KDM6A: variants seen among roughly 807,000 people sequenced by gnomAD.
KDM6A encodes lysine-specific demethylase 6A.
KDM6A carries 11 observed loss-of-function variants against 117.6 expected under a neutral mutation model. The observed-to-expected ratio is 0.09, with a 90% confidence interval of 0.06 to 0.15. The LOEUF is 0.15. Ranked by LOEUF, KDM6A falls within the 10% of genes least tolerant of loss-of-function variation. The pLI, the probability that KDM6A is intolerant of heterozygous loss-of-function variation, is 1.00. For synonymous variants in KDM6A, 384 were observed against 396.1 expected, an observed-to-expected ratio of 0.97 and a Z score of 0.36; for missense variants, 799 against 1,077.3, an observed-to-expected ratio of 0.74 and a Z score of 3.62.
intron 3 of KDM6A, among the ~76,000 whole-genome samples, chrX:44,963,289 C>T (rs774458165): frequency 5.5e-5 from 6 of 109,365 alleles, no homozygotes; most frequent in Non-Finnish European, 1.1e-4. Context: ...TAGCGAGACC[C>T]CCTATCTTAA....
rs200269409 is a variant in KDM6A, at chrX:44,874,013, G to C, written c.225+26G>C. ...GTAAGGCAGCTGCGAGTCGGAGCGC[G>C]GACACCGTCTCCCTGGCCGGCGCCG... On this transcript the variant is annotated intron_variant, in intron 2 of 29. Coordinates refer to ENST00000611820, the MANE Select transcript of KDM6A (RefSeq NM_001291415.2). The C allele has an allele frequency of 2.0e-5, 24 of 1,188,298 alleles. No homozygotes were observed. In the Admixed American group the frequency reaches 5.3e-4, roughly 26 times the overall value.
chrX:45,111,314 A>T, intron 29 of KDM6A, 68 bp from the exon 30 acceptor site: 1 of 879,672 alleles, frequency 1.1e-6, no homozygotes, highest in Non-Finnish European at 1.7e-6. Flanking sequence ...CAAGCAGACT[A>T]TATGTTTGTA....
At chrX:45,063,335 T>C (rs2044385481) in intron 16 of KDM6A, 87 bp from the exon 17 acceptor site, 2 of 874,198 alleles carry the variant, frequency 2.3e-6, no homozygotes, top group Admixed American at 4.4e-5. Flanking sequence ...TTCATATTCA[T>C]CTGGGGATTC....
chrX:44,989,929 A>C (rs1234061984), intron 4 of KDM6A, among the ~76,000 whole-genome samples: 1 of 111,852 alleles, frequency 8.9e-6, no homozygotes, highest in African/African-American at 3.3e-5. Flanking sequence ...ATCAGGTAAT[A>C]TATAGGTGCT....
chrX:44,877,348 A>G (rs753381056), intron 2 of KDM6A, among the ~76,000 whole-genome samples: 6 of 101,797 alleles, frequency 5.9e-5, no homozygotes, highest in African/African-American at 2.4e-4. Context: ...AGCCTGCGTA[A>G]TTAGAGTTCT....
chrX:45,099,097 T>A (rs1417644684), intron 27 of KDM6A, among the ~76,000 whole-genome samples: 2 of 111,341 alleles, frequency 1.8e-5, no homozygotes, highest in Non-Finnish European at 3.8e-5. Context: ...TGCACGTGCT[T>A]TTTCATATGA....
Position 45,059,875 on chromosome X carries a change from G to A in KDM6A, c.1195-147G>A, listed in dbSNP as rs950169532. On this transcript the variant is annotated intron_variant, in intron 12 of 29. Coordinates refer to ENST00000611820, the MANE Select transcript of KDM6A (RefSeq NM_001291415.2). ...CAAAGGTTTATATTCCGGTTACCCT[G>A]TTTATACTTAGTGTCTTCTAAAGCC... is the stretch of plus-strand genomic sequence containing the variant. The A allele has an allele frequency of 7.0e-6, 6 of 860,671 alleles. No homozygotes were observed. The African/African-American group carries it at 1.2e-4, about 18-fold the overall frequency. The allele number at this position is 860,671 out of a possible 1,213,427, so 70.9% of individuals were successfully genotyped here.
At chrX:44,895,314 C>T (rs180685120) in intron 2 of KDM6A, among the ~76,000 whole-genome samples, 10 of 107,605 alleles carry the variant, frequency 9.3e-5, no homozygotes, top group East Asian at 5.8e-4. Flanking sequence ...GGGGTTTCAC[C>T]GCGTTAGCCG....
chrX:44,984,792 C>G (rs988289375), intron 4 of KDM6A, among the ~76,000 whole-genome samples: 7 of 111,630 alleles, frequency 6.3e-5, no homozygotes, highest in Admixed American at 1.9e-4. Context: ...GGTACCAGTA[C>G]CATGCTGTTT....
intron 2 of KDM6A, among the ~76,000 whole-genome samples, chrX:44,960,791 T>A (rs887673682): frequency 2.7e-5 from 3 of 111,582 alleles, no homozygotes; most frequent in Non-Finnish European, 5.7e-5. Flanking sequence ...TATATGGTAG[T>A]TTAAAACTGG....
chrX:45,025,523 G>C (rs1160613302), intron 6 of KDM6A, among the ~76,000 whole-genome samples: 2 of 107,514 alleles, frequency 1.9e-5, no homozygotes, highest in Non-Finnish European at 4.0e-5. Flanking sequence ...CTTATTTTCA[G>C]TATATATTTG....
chrX:45,089,479 T>C (rs1162584387), intron 25 of KDM6A, among the ~76,000 whole-genome samples: 1 of 105,166 alleles, frequency 9.5e-6, no homozygotes, highest in African/African-American at 3.5e-5. Flanking sequence ...TGAGCCTAGA[T>C]GGAGCCACTG....
chrX:45,019,363 C>T (rs1315019468), intron 5 of KDM6A, among the ~76,000 whole-genome samples: 1 of 111,713 alleles, frequency 9.0e-6, no homozygotes, highest in East Asian at 2.8e-4. Context: ...GTGTCTGATG[C>T]CAGACCTGTG....
intron 2 of KDM6A, among the ~76,000 whole-genome samples, chrX:44,959,205 G>A (rs1242674028): frequency 9.1e-6 from 1 of 110,212 alleles, no homozygotes; most frequent in East Asian, 2.8e-4. Context: ...GCAGCTTTAT[G>A]GGGAAATTAT....
chrX:45,011,473 A>C (rs2041754426), intron 5 of KDM6A, among the ~76,000 whole-genome samples: 1 of 111,587 alleles, frequency 9.0e-6, no homozygotes, highest in Admixed American at 9.5e-5. Context: ...GTAACTAGGC[A>C]CCAACTCATA....
In KDM6A at chrX:44,910,517, T is replaced by TA. The variant is rs34643777; in HGVS notation, c.225+36532dup. Among the ~76,000 whole-genome samples the TA allele has an allele frequency of 1.6e-3, 177 of 107,870 alleles. 1 individual carries two copies. Among genetic ancestry groups the TA allele is most frequent in the African/African-American group, 5.1e-3 (150 of 29,463 alleles). The allele number at this position is 107,870 out of a possible 115,157, so 93.7% of individuals were successfully genotyped here. On this transcript the variant is annotated intron_variant, in intron 2 of 29. Coordinates refer to ENST00000611820, the MANE Select transcript of KDM6A (RefSeq NM_001291415.2). ...CAAGTAGCTTCATTTTTTTTTTTTTTAATTGTTCATTCTTGGGTGTTTCTC... is the reference window on the plus strand; with the variant it reads ...CAAGTAGCTTCATTTTTTTTTTTTTTAAATTGTTCATTCTTGGGTGTTTCTC...
intron 4 of KDM6A, among the ~76,000 whole-genome samples, chrX:44,998,039 T>G (rs2147465672): frequency 8.9e-6 from 1 of 112,056 alleles, no homozygotes; most frequent in African/African-American, 3.2e-5. Context: ...TTGTGGGGAC[T>G]TTTCAGAGGA....
intron 2 of KDM6A, among the ~76,000 whole-genome samples, chrX:44,923,195 C>T (rs1007236135): frequency 1.8e-5 from 2 of 111,131 alleles, no homozygotes; most frequent in Admixed American, 9.6e-5. Context: ...GATTTGGTTA[C>T]GTTATGTGTT....
chrX:45,054,106 A>G, intron 10 of KDM6A, 151 bp downstream of exon 10: 1 of 654,342 alleles, frequency 1.5e-6, no homozygotes, highest in Non-Finnish European at 2.4e-6. Flanking sequence ...AAGTTAAACA[A>G]CAAGATAAAG....
Sources: gnomAD v4.1 joint callset for allele counts (sites outside exome capture counted in the v4.1 genomes callset) on GRCh38, gnomAD v4.1.1 for gene constraint, MANE v1.5 for transcripts, NCBI Gene and HGNC (gene_info 2026-07-23, HGNC 2026-07-21) for gene names.